The following MYH13 variants were observed in gnomAD, a reference collection of about 807,000 sequenced individuals.
MYH13 encodes the protein myosin-13.
MYH13 carries 177 observed loss-of-function variants against 232.1 expected under a neutral mutation model. The observed-to-expected ratio is 0.76, with a 90% confidence interval of 0.67 to 0.86. MYH13 has a LOEUF of 0.86. Among genes scored for constraint, MYH13 ranks in the 40% least tolerant of loss-of-function variants. MYH13 has a pLI of 0.00. For synonymous variants in MYH13, 884 were observed against 923.5 expected (o/e 0.96, Z 0.78); for missense variants, 2,246 against 2,405.9 (o/e 0.93, Z 1.39).
At position 10,309,113 on chromosome 17, in the gene MYH13, C is replaced by G. The variant is rs1268273534; in HGVS notation, c.5169+121G>C. On this transcript the variant is annotated intron_variant, in intron 35 of 40. Transcript: ENST00000252172. ...GTCTTGACCACTAGTCTGGGAGAAA[C>G]CGGGTGCTCCTTCCCACGGCGTGGG... 3 of 1,006,432 alleles carry G rather than the reference C, an allele frequency of 3.0e-6. No homozygotes were observed. In the African/African-American group the frequency reaches 4.9e-5, roughly 16 times the overall value. The allele number at this position is 1,006,432 out of a possible 1,614,324, so 62.3% of individuals were successfully genotyped here. A position where few individuals can be genotyped will look rare whatever the true frequency, so the allele number is the denominator to read the frequency against.
chr17:10,346,004 A>C (rs1597385691), intron 13 of MYH13, among the ~76,000 whole-genome samples: 1 of 143,110 alleles, frequency 7.0e-6, no homozygotes, highest in South Asian at 2.3e-4. Context: ...AAAAAAAAAA[A>C]AAAAAAAAAC....
intron 18 of MYH13, among the ~76,000 whole-genome samples, chr17:10,338,507 T>C (rs2071593325): frequency 6.6e-6 from 1 of 151,690 alleles, no homozygotes; most frequent in African/African-American, 2.4e-5. Flanking sequence ...GCATCCAACA[T>C]TTGCTGGGTG....
At chr17:10,366,278 C>A (rs1044178836) in intron 2 of MYH13, among the ~76,000 whole-genome samples, 5 of 151,864 alleles carry the variant, frequency 3.3e-5, no homozygotes, top group Admixed American at 6.6e-5. Flanking sequence ...TCCTCTTTTC[C>A]TTCCCACTTA....
At chr17:10,312,126 A>C in intron 31 of MYH13, 50 bp from the exon 32 acceptor site, 1 of 1,602,094 alleles carries the variant, frequency 6.2e-7, no homozygotes, top group Non-Finnish European at 8.5e-7. Flanking sequence ...GGGGTGACTC[A>C]GAAGAGTTCA....
At position 10,355,828 on chromosome 17, in the gene MYH13, C is replaced by CTTTTTTTTTTTTTTTTTT. The variant is rs61338527; in HGVS notation, c.739-699_739-682dup. ...TAACTGGTTGGATTGTTCTGTCTGA[C>CTTTTTTTTTTTTTTTTTT]TTTTTTTTTTTTTTTTTTTTTTTTT... On this transcript the variant is annotated intron_variant, in intron 8 of 40. Transcript: ENST00000252172. Among the ~76,000 whole-genome samples the CTTTTTTTTTTTTTTTTTT allele has an allele frequency of 1.9e-4, 13 of 66,814 alleles. 1 individual carries two copies. The highest frequency in any genetic ancestry group is 7.6e-4 in the South Asian group (1 of 1,308). The allele number at this position is 66,814 out of a possible 152,430, so 43.8% of individuals were successfully genotyped here. A position where few individuals can be genotyped will look rare whatever the true frequency, so the allele number is the denominator to read the frequency against.
At chr17:10,339,068 G>A (rs901523127) in intron 18 of MYH13, among the ~76,000 whole-genome samples, 3 of 152,136 alleles carry the variant, frequency 2.0e-5, no homozygotes, top group Non-Finnish European at 4.4e-5. Flanking sequence ...GGATCACGTG[G>A]TAATAGGTGA....
intron 40 of MYH13, 47 bp from the exon 41 acceptor site, chr17:10,301,012 T>C: frequency 1.9e-6 from 3 of 1,549,942 alleles, no homozygotes; most frequent in Non-Finnish European, 2.7e-6. Context: ...GTCAACTAAA[T>C]GGGAGACTGA....
At position 10,315,609 on chromosome 17, in the gene MYH13, AT is replaced by A. The variant is rs1369718583; in HGVS notation, c.3984+83del. The stretch of plus-strand genomic sequence containing the variant: ...GTGCCCAGCTGCAGCAGATTTCTTG[AT>A]GTAGCACTGCTCTGACCAGCTTCAC... On this transcript the variant is annotated intron_variant, in intron 29 of 40. Coordinates refer to ENST00000252172, the MANE Select transcript of MYH13 (RefSeq NM_003802.3). 6.5e-6 allele frequency: 8 copies of A among 1,230,112 alleles called. No homozygotes were observed. The East Asian group carries it at 1.8e-4, about 27-fold the overall frequency. The allele number at this position is 1,230,112 out of a possible 1,614,324, so 76.2% of individuals were successfully genotyped here.
chr17:10,325,966 C>T (rs1008561515), intron 22 of MYH13, among the ~76,000 whole-genome samples: 6 of 152,170 alleles, frequency 3.9e-5, no homozygotes, highest in Non-Finnish European at 7.3e-5. Context: ...TGAGCCACCA[C>T]GCCCGGCCCA....
chr17:10,345,720 C>T (rs796139216), intron 13 of MYH13, 104 bp from the exon 14 acceptor site: 53 of 1,584,960 alleles, frequency 3.3e-5, no homozygotes, highest in South Asian at 2.1e-4. Flanking sequence ...GTTGGCTAGG[C>T]GTGGTGGCTC....
Position 10,312,771 on chromosome 17 carries a change from A to ATT in MYH13, c.4182-16_4182-15dup. The ATT allele has an allele frequency of 6.6e-7, 1 of 1,524,516 alleles. No homozygotes were observed. The highest frequency in any genetic ancestry group is 8.9e-7 in the Non-Finnish European group (1 of 1,122,902). 94.4% of individuals were successfully genotyped at this position (1,524,516 alleles called of 1,614,324 possible). A position where few individuals can be genotyped will look rare whatever the true frequency, so the allele number is the denominator to read the frequency against. ...GCCAGTTTTTTCCTACGAAAACCAG[A>ATT]TTTTTTTTTTCCCCTTCGCAAAGGT... On this transcript the variant is annotated splice_polypyrimidine_tract_variant and intron_variant, in intron 30 of 40. Transcript: ENST00000252172.
chr17:10,322,580 C>G (rs1906994356), intron 23 of MYH13, among the ~76,000 whole-genome samples: 1 of 148,528 alleles, frequency 6.7e-6, no homozygotes, highest in Non-Finnish European at 1.5e-5. Flanking sequence ...GCCATATTTT[C>G]TTTAGTCCAC....
chr17:10,317,951 G>A (rs548298991), intron 27 of MYH13: 6 of 152,250 alleles, frequency 3.9e-5, no homozygotes, highest in African/African-American at 7.2e-5. Flanking sequence ...TTCTTAAAGA[G>A]CCCCAATCGG....
At chr17:10,313,432 T>TC (rs1423786403) in intron 29 of MYH13, 78 bp from the exon 30 acceptor site, 1 of 1,595,230 alleles carries the variant, frequency 6.3e-7, no homozygotes, top group African/African-American at 1.3e-5. Flanking sequence ...TAAATCGCTT[T>TC]CCCCCAACTT....
At chr17:10,359,588 A>G (rs1023072238) in intron 7 of MYH13, among the ~76,000 whole-genome samples, 2 of 152,292 alleles carry the variant, frequency 1.3e-5, no homozygotes, top group Admixed American at 6.5e-5. Context: ...AGCTCCTCCC[A>G]ATTAATAGCT....
chr17:10,355,329 T>C (rs1180564901), intron 8 of MYH13, among the ~76,000 whole-genome samples, 182 bp from the exon 9 acceptor site: 1 of 152,080 alleles, frequency 6.6e-6, no homozygotes, highest in Non-Finnish European at 1.5e-5. Context: ...AGGAGCTGAG[T>C]AGGGAGGGGC....
At position 10,309,437 on chromosome 17, in the gene MYH13, C is replaced by T. The variant is rs747474836; in HGVS notation, c.4966G>A (p.Asp1656Asn). 2 of 1,601,472 alleles carry T rather than the reference C, an allele frequency of 1.2e-6. No individual in the cohort carries two copies. Among genetic ancestry groups the T allele is most frequent in the Non-Finnish European group, 1.7e-6 (2 of 1,173,564 alleles). ...HLRTVQGQLK[D>N]SQLHLDDALR... ...GCGTCATCGAGATGCAGCTGGGAGT[C>T]CTGCAGGGGAGACCCAGAGTGAGGC... Residue 1656 changes from aspartate (D) to asparagine (N), a missense_variant and splice_region_variant, in exon 35 of 41, where the codon GAC becomes AAC. Asp to Asn is a conservative substitution (Grantham distance 23, BLOSUM62 1). Transcript: ENST00000252172.
intron 7 of MYH13, 146 bp from the exon 8 acceptor site, chr17:10,357,973 C>T: frequency 1.6e-6 from 1 of 610,064 alleles, no homozygotes; most frequent in Non-Finnish European, 2.9e-6. Context: ...CACCCACGCC[C>T]CCACCCCCAC....
intron 2 of MYH13, among the ~76,000 whole-genome samples, chr17:10,368,815 C>T (rs570195089): frequency 2.0e-5 from 3 of 152,256 alleles, no homozygotes; most frequent in East Asian, 1.9e-4. Context: ...TACAGGTTTA[C>T]GACCTTATAA....
Sources: gnomAD v4.1 joint callset for allele counts (sites outside exome capture counted in the v4.1 genomes callset) on GRCh38, gnomAD v4.1.1 for gene constraint, MANE v1.5 for transcripts, NCBI Gene and HGNC (gene_info 2026-07-23, HGNC 2026-07-21) for gene names.